FRMPD4: variants seen among roughly 807,000 people sequenced by gnomAD.
The protein encoded by FRMPD4 is FERM and PDZ domain containing 4, also known as FERM and PDZ domain-containing protein 4.
Under a neutral mutation model 94.1 loss-of-function variants are expected in FRMPD4, and 22 were observed. That is an observed-to-expected ratio of 0.23 (90% CI 0.17 to 0.33). FRMPD4 has a LOEUF of 0.33. FRMPD4 is among the 10% of genes least tolerant of loss of function. FRMPD4 has a pLI of 1.00. For missense variants in FRMPD4, 1,111 were observed against 1,339.9 expected, an observed-to-expected ratio of 0.83 and a Z score of 2.67; for synonymous variants, 631 against 548.6, an observed-to-expected ratio of 1.15 and a Z score of -2.10.
chrX:11,956,695 T>A (rs2054258918), intron 3 of FRMPD4, among the ~76,000 whole-genome samples: 1 of 112,512 alleles, frequency 8.9e-6, no homozygotes, highest in Non-Finnish European at 1.9e-5. Context: ...ATCTTTTTTT[T>A]CTTCATCTTT....
intron 7 of FRMPD4, among the ~76,000 whole-genome samples, chrX:12,688,291 A>T (rs954735093): frequency 1.8e-5 from 2 of 111,916 alleles, no homozygotes; most frequent in African/African-American, 6.5e-5. Context: ...CGAGGTAAAG[A>T]CTTGAATGCA....
At chrX:12,636,018 C>G (rs769349894) in intron 4 of FRMPD4, among the ~76,000 whole-genome samples, 1 of 111,688 alleles carries the variant, frequency 9.0e-6, no homozygotes, top group South Asian at 3.7e-4. Context: ...GTATGTGTCT[C>G]TAAAGGATAA....
chrX:12,586,908 G>A (rs2058933822), intron 2 of FRMPD4, among the ~76,000 whole-genome samples: 1 of 111,800 alleles, frequency 8.9e-6, no homozygotes, highest in Non-Finnish European at 1.9e-5. Context: ...ATGCTCCAAA[G>A]AGGCACTGAA....
At chrX:11,918,988 C>T (rs1028415314) in intron 3 of FRMPD4, among the ~76,000 whole-genome samples, 2 of 112,489 alleles carry the variant, frequency 1.8e-5, no homozygotes, top group African/African-American at 6.5e-5. Flanking sequence ...GAATTTTCTC[C>T]CAGTGACCTG....
chrX:12,276,929 G>A (rs1282347526), intron 1 of FRMPD4, among the ~76,000 whole-genome samples: 3 of 109,314 alleles, frequency 2.7e-5, no homozygotes, highest in South Asian at 4.1e-4. Context: ...AGACCATCCC[G>A]GCTAAAATGG....
chrX:12,218,125 A>G (rs753805953), intron 1 of FRMPD4, among the ~76,000 whole-genome samples: 3 of 111,845 alleles, frequency 2.7e-5, no homozygotes, highest in African/African-American at 9.7e-5. Context: ...TTTTTTTAAC[A>G]TCTCAAAAGA....
Position 12,046,824 on chromosome X carries a change from G to C in FRMPD4, c.95+168806G>C, listed in dbSNP as rs150906511. Among the ~76,000 whole-genome samples, 73 of 111,191 alleles carry C rather than the reference G, an allele frequency of 6.6e-4. 2 individuals are homozygous for C. The East Asian group carries it at 0.02, about 30-fold the overall frequency. ...TTTCTATAGAGGCTTCATTACACAG[G>C]CATGATTGATGAAACCATTGGCTAT... On this transcript the variant is annotated intron_variant, in intron 3 of 18. Transcript: ENST00000640291.
At chrX:12,279,015 C>T (rs1372306811) in intron 1 of FRMPD4, among the ~76,000 whole-genome samples, 2 of 112,687 alleles carry the variant, frequency 1.8e-5, no homozygotes, top group African/African-American at 6.4e-5. Context: ...CTCCTATTAC[C>T]TTCCTTCTCC....
chrX:11,885,473 A>G (rs1191715229), intron 3 of FRMPD4, among the ~76,000 whole-genome samples: 1 of 111,276 alleles, frequency 9.0e-6, no homozygotes, highest in Non-Finnish European at 1.9e-5. Flanking sequence ...TTGGTTGCAT[A>G]ATAATGTGAA....
Position 12,061,674 on chromosome X carries a change from T to A in FRMPD4, c.95+183656T>A, listed in dbSNP as rs185822802. Among the ~76,000 whole-genome samples, 5 of 112,289 alleles carry A rather than the reference T, an allele frequency of 4.5e-5. No homozygotes were observed. In the East Asian group the frequency reaches 1.4e-3, roughly 31 times the overall value. On this transcript the variant is annotated intron_variant, in intron 3 of 18. Coordinates refer to the FRMPD4 transcript ENST00000640291. ...CATGCTAAAGGCAGGTGATATTTAT[T>A]TGGAAACTCAAAAATGAAATCTTAC...
intron 2 of FRMPD4, among the ~76,000 whole-genome samples, chrX:12,597,858 A>G (rs763373539): frequency 1.5e-3 from 165 of 112,262 alleles, no homozygotes; most frequent in African/African-American, 5.2e-3. Context: ...TTACTGTGAA[A>G]ACTTTGACAG....
At chrX:12,283,042 C>T (rs2054549497) in intron 1 of FRMPD4, among the ~76,000 whole-genome samples, 1 of 112,831 alleles carries the variant, frequency 8.9e-6, no homozygotes, top group South Asian at 3.6e-4. Flanking sequence ...CAGAAAGTTC[C>T]AATGGACAGC....
At chrX:12,679,801 G>C (rs1369927359) in intron 5 of FRMPD4, among the ~76,000 whole-genome samples, 2 of 111,853 alleles carry the variant, frequency 1.8e-5, no homozygotes, top group Non-Finnish European at 3.8e-5. Flanking sequence ...GTAAGCTCCA[G>C]TTGCCTATAA....
intron 3 of FRMPD4, among the ~76,000 whole-genome samples, chrX:12,067,779 T>A (rs1424421335): frequency 4.5e-5 from 5 of 112,156 alleles, no homozygotes; most frequent in Non-Finnish European, 9.4e-5. Flanking sequence ...AGTTTTGGCA[T>A]GCCCAAGTTA....
At chrX:12,482,996 A>C (rs1456338886) in intron 1 of FRMPD4, among the ~76,000 whole-genome samples, 2 of 112,271 alleles carry the variant, frequency 1.8e-5, no homozygotes, top group Non-Finnish European at 3.8e-5. Flanking sequence ...GAATGAATGG[A>C]GAAGAAAGAG....
At chrX:12,354,384 T>C (rs932021653) in intron 1 of FRMPD4, among the ~76,000 whole-genome samples, 3 of 112,034 alleles carry the variant, frequency 2.7e-5, no homozygotes, top group African/African-American at 9.7e-5. Context: ...GAGTGGGAGA[T>C]TGGCTCGCAG....
intron 1 of FRMPD4, among the ~76,000 whole-genome samples, chrX:12,382,318 A>C (rs984977838): frequency 2.7e-5 from 3 of 111,519 alleles, no homozygotes; most frequent in Non-Finnish European, 5.7e-5. Flanking sequence ...AGAGATCCAA[A>C]GGATCGCCGG....
intron 1 of FRMPD4, among the ~76,000 whole-genome samples, chrX:12,300,643 G>A (rs1007475343): frequency 8.9e-6 from 1 of 112,087 alleles, no homozygotes; most frequent in East Asian, 2.8e-4. Flanking sequence ...ATAGGTGCAA[G>A]GTAATCTGAA....
At chrX:12,347,813 T>C (rs1569240827) in intron 1 of FRMPD4, among the ~76,000 whole-genome samples, 1 of 111,573 alleles carries the variant, frequency 9.0e-6, no homozygotes, top group African/African-American at 3.3e-5. Flanking sequence ...CAGTGAAATG[T>C]GCTTAGTTTT....
Sources: allele counts gnomAD v4.1 joint callset (sites outside exome capture counted in the v4.1 genomes callset), GRCh38; gene constraint gnomAD v4.1.1; transcripts MANE v1.5; gene names NCBI Gene and HGNC (gene_info 2026-07-23, HGNC 2026-07-21).